CRY1: variants seen among roughly 807,000 people sequenced by gnomAD.
CRY1 encodes the protein cryptochrome circadian regulator 1.
Under a neutral mutation model 76.0 loss-of-function variants are expected in CRY1, and 45 were observed. The ratio of observed to expected loss-of-function variants is 0.59; its 90% CI spans 0.47 to 0.76. The LOEUF (loss-of-function observed/expected upper bound fraction) is 0.76, where lower values mean the gene tolerates loss of function less well. CRY1 is among the 30% of genes least tolerant of loss of function. The pLI is 0.00. For missense variants in CRY1, 587 were observed against 716.4 expected, an observed-to-expected ratio of 0.82 and a Z score of 2.06; for synonymous variants, 248 against 244.0, an observed-to-expected ratio of 1.02 and a Z score of -0.15.
At chr12:107,068,670 T>G (rs1006608839) in intron 1 of CRY1, among the ~76,000 whole-genome samples, 6 of 152,142 alleles carry the variant, frequency 3.9e-5, no homozygotes, top group African/African-American at 1.2e-4. Context: ...GACTATCACC[T>G]CTATCTAGTT....
chr12:107,014,390 C>T, intron 2 of CRY1, among the ~76,000 whole-genome samples: 1 of 152,142 alleles, frequency 6.6e-6, no homozygotes, highest in East Asian at 1.9e-4. Flanking sequence ...GCATACTCAT[C>T]TGCTAGCCCA....
intron 1 of CRY1, among the ~76,000 whole-genome samples, chr12:107,081,787 G>A (rs1953328386): frequency 6.6e-6 from 1 of 151,980 alleles, no homozygotes. Context: ...ATTAAGAGGT[G>A]GGGCATTTAG....
intron 8 of CRY1, 108 bp downstream of exon 8, chr12:106,997,807 A>G: frequency 5.2e-6 from 8 of 1,533,672 alleles, no homozygotes; most frequent in Non-Finnish European, 7.1e-6. Context: ...TACCCTTCTC[A>G]TCTCTGCTGC....
At chr12:107,007,522 T>G (rs535700078) in intron 2 of CRY1, among the ~76,000 whole-genome samples, 1 of 151,690 alleles carries the variant, frequency 6.6e-6, no homozygotes, top group African/African-American at 2.4e-5. Flanking sequence ...ACAGGAACTC[T>G]TTTTCTTCTT....
At position 107,023,945 on chromosome 12, in the gene CRY1, T is replaced by A. The variant is rs184869477; in HGVS notation, c.159-1753A>T. 4.8e-4 allele frequency among the ~76,000 whole-genome samples: 73 copies of A among 152,320 alleles called. 1 individual carries two copies. The highest frequency in any genetic ancestry group is 1.6e-3 in the African/African-American group (65 of 41,572). On this transcript the variant is annotated intron_variant, in intron 1 of 12. Coordinates refer to ENST00000008527, the MANE Select transcript of CRY1 (RefSeq NM_004075.5). Reference sequence around the variant, plus strand: ...ACTATGAATAATTTATCATGTCTGGTGACAAATGTTTATTGGGAAGCATCT... The same window carrying A: ...ACTATGAATAATTTATCATGTCTGGAGACAAATGTTTATTGGGAAGCATCT...
chr12:106,991,366 T>G lies in CRY1; in HGVS notation c.*636A>C, dbSNP rs1356464819. On this transcript the variant is annotated 3_prime_UTR_variant, in exon 13 of 13. Transcript: ENST00000008527. ...GAAAAAAAAACACGTACACAAGATT[T>G]CATATTTGCATATACTTTAATAACA... The G allele has an allele frequency of 6.6e-6, 1 of 152,410 alleles. No homozygotes were observed. The highest frequency in any genetic ancestry group is 1.5e-5 in the Non-Finnish European group (1 of 68,012). The allele number at this position is 152,410 out of a possible 1,614,324, so 9.4% of individuals were successfully genotyped here. A position where few individuals can be genotyped will look rare whatever the true frequency, so the allele number is the denominator to read the frequency against.
At chr12:107,069,940 G>A (rs1953168144) in intron 1 of CRY1, among the ~76,000 whole-genome samples, 1 of 151,766 alleles carries the variant, frequency 6.6e-6, no homozygotes, top group African/African-American at 2.4e-5. Flanking sequence ...TCAAACATCA[G>A]TTTATGCTTA....
At position 107,019,216 on chromosome 12, in the gene CRY1, C is replaced by CT. The variant is rs141591996; in HGVS notation, c.267+2867dup. Among the ~76,000 whole-genome samples, 539 of 147,998 alleles carry CT rather than the reference C, an allele frequency of 3.6e-3. 3 individuals are homozygous for CT. The highest frequency in any genetic ancestry group is 4.5e-3 in the Non-Finnish European group (297 of 66,678). On this transcript the variant is annotated intron_variant, in intron 2 of 12. Transcript: ENST00000008527. ...GCTTTTAATTGTATATCCTTTTAGC[C>CT]TTTTTTTTTTAAACATATGCACGTT... is the stretch of plus-strand genomic sequence containing the variant.
chr12:107,043,064 G>A (rs1952817418), intron 1 of CRY1: 1 of 152,040 alleles, frequency 6.6e-6, no homozygotes, highest in Non-Finnish European at 1.5e-5. Flanking sequence ...ATGGCTGGAG[G>A]GTGTCTTGCT....
At chr12:107,079,261 T>C (rs1953294365) in intron 1 of CRY1, among the ~76,000 whole-genome samples, 1 of 152,150 alleles carries the variant, frequency 6.6e-6, no homozygotes, top group African/African-American at 2.4e-5. Context: ...GCCAATGAAG[T>C]GCCATAAGAC....
intron 1 of CRY1, among the ~76,000 whole-genome samples, chr12:107,084,970 T>G (rs2136901954): frequency 6.9e-6 from 1 of 145,854 alleles, no homozygotes; most frequent in Admixed American, 6.8e-5. Context: ...TTAAACAAAT[T>G]TACAAAAAAA....
chr12:107,001,088 G>A (rs188694510), intron 5 of CRY1, among the ~76,000 whole-genome samples, 192 bp downstream of exon 5: 1 of 152,204 alleles, frequency 6.6e-6, no homozygotes, highest in African/African-American at 2.4e-5. Context: ...ATAATTAGAA[G>A]AGAAGGAGAA....
chr12:107,010,616 CTTTTT>C (rs539106569), intron 2 of CRY1, among the ~76,000 whole-genome samples: 1 of 150,504 alleles, frequency 6.6e-6, no homozygotes, highest in Non-Finnish European at 1.5e-5. Flanking sequence ...GATCTCTTCT[CTTTTT>C]TTTTAAGAGA....
chr12:107,021,418 T>C (rs954732028), intron 2 of CRY1, among the ~76,000 whole-genome samples: 3 of 152,210 alleles, frequency 2.0e-5, no homozygotes, highest in African/African-American at 7.2e-5. Flanking sequence ...GATTCATAAA[T>C]GTGGACAAGT....
intron 1 of CRY1, among the ~76,000 whole-genome samples, chr12:107,033,535 A>T (rs539055944): frequency 7.9e-4 from 121 of 152,334 alleles, no homozygotes; most frequent in African/African-American, 2.7e-3. Context: ...AACATATTAT[A>T]TATCATGATC....
In CRY1 at chr12:106,998,064, T is replaced by C. The variant is rs532446706; in HGVS notation, c.1140A>G (p.Val380=). The C allele has an allele frequency of 8.1e-6, 13 of 1,613,864 alleles. No individual in the cohort carries two copies. In the South Asian group the frequency reaches 1.3e-4, roughly 16 times the overall value. The change falls in exon 8 of 13, where the codon GTA becomes GTG. Residue 380 remains valine (V), a splice_region_variant and synonymous_variant. Transcript: ENST00000008527. ...LWISWEEGMK[V]FEELLLDADW... ...CTGCATCAAGCAATAATTCTTCAAA[T>C]ACCTTCAGAAGTAACAGTAACCAAT...
chr12:107,092,784 C>T lies in CRY1; in HGVS notation c.158+20G>A. 1 of 1,610,692 alleles carries T rather than the reference C, an allele frequency of 6.2e-7. No homozygotes were observed. Among genetic ancestry groups the T allele is most frequent in the East Asian group, 2.2e-5 (1 of 44,812 alleles). ...ACTCATTAAACACCCAAATCCATTT[C>T]CCACGGGCTTGTGACTCACCGCCAC... On this transcript the variant is annotated intron_variant, in intron 1 of 12. Coordinates refer to ENST00000008527, the MANE Select transcript of CRY1 (RefSeq NM_004075.5).
At chr12:107,009,649 C>T (rs1344158067) in intron 2 of CRY1, among the ~76,000 whole-genome samples, 1 of 144,824 alleles carries the variant, frequency 6.9e-6, no homozygotes, top group Non-Finnish European at 1.5e-5. Flanking sequence ...TGGCTCATAC[C>T]TGTAATTCCA....
At position 106,992,898 on chromosome 12, in the gene CRY1, T is replaced by C; in HGVS notation, c.1658-8A>G. On this transcript the variant is annotated splice_region_variant and splice_polypyrimidine_tract_variant and intron_variant, in intron 11 of 12. Transcript: ENST00000008527. The stretch of plus-strand genomic sequence containing the variant: ...TGCCCATGGAGCTTCTTCCTGCACA[T>C]TTAAAAAATGTATGTTTAAGATAGG... The C allele has an allele frequency of 1.2e-6, 2 of 1,613,946 alleles. No homozygotes were observed. Among genetic ancestry groups the C allele is most frequent in the East Asian group, 4.5e-5 (2 of 44,876 alleles).
Sources: allele counts gnomAD v4.1 joint callset (sites outside exome capture counted in the v4.1 genomes callset), GRCh38; gene constraint gnomAD v4.1.1; transcripts MANE v1.5; gene names NCBI Gene and HGNC (gene_info 2026-07-23, HGNC 2026-07-21).